Variants in FOXO3 observed in about 807,000 individuals in gnomAD.
The protein encoded by FOXO3 is forkhead box O3.
FOXO3 carries 4 observed loss-of-function variants against 41.9 expected under a neutral mutation model. The observed-to-expected ratio is 0.10, with a 90% CI of 0.05 to 0.22. FOXO3 has a LOEUF of 0.22. Among genes scored for constraint, FOXO3 ranks in the 10% least tolerant of loss-of-function variants. FOXO3 has a pLI of 1.00. For missense variants in FOXO3, 534 were observed against 906.8 expected, an observed-to-expected ratio of 0.59 and a Z score of 5.28; for synonymous variants, 318 against 389.3, an observed-to-expected ratio of 0.82 and a Z score of 2.16.
At chr6:108,580,183 A>ATTTTTTTT (rs11395032) in intron 1 of FOXO3, among the ~76,000 whole-genome samples, 38 of 93,060 alleles carry the variant, frequency 4.1e-4, no homozygotes, top group Admixed American at 4.9e-4. Context: ...GCTCTTCTTC[A>ATTTTTTTT]TTTTTTTTTT....
At chr6:108,593,101 G>T (rs769233892) in intron 1 of FOXO3, among the ~76,000 whole-genome samples, 3 of 152,198 alleles carry the variant, frequency 2.0e-5, no homozygotes, top group Non-Finnish European at 4.4e-5. Flanking sequence ...CTGTAAGAAA[G>T]AACTAGTTGT....
chr6:108,601,602 C>T (rs1334064102), intron 1 of FOXO3, among the ~76,000 whole-genome samples: 19 of 152,244 alleles, frequency 1.2e-4, no homozygotes, highest in Admixed American at 1.2e-3. Context: ...CCGCACCCAG[C>T]CCCCCTTCTA....
chr6:108,672,809 T>C (rs570188352), intron 2 of FOXO3, among the ~76,000 whole-genome samples: 10 of 152,248 alleles, frequency 6.6e-5, no homozygotes, highest in Admixed American at 5.9e-4. Context: ...CTGCTTTGTC[T>C]CTGATGCAAG....
chr6:108,678,890 T>TTTTTC (rs368405598), intron 2 of FOXO3, among the ~76,000 whole-genome samples: 1,421 of 115,308 alleles, frequency 0.012, 92 homozygotes, highest in Non-Finnish European at 0.019. Flanking sequence ...TTTTTTTTTT[T>TTTTTC]TGAGACGGAG....
At chr6:108,618,167 C>G in intron 1 of FOXO3, 2 of 1,000,972 alleles carry the variant, frequency 2.0e-6, no homozygotes, top group South Asian at 1.3e-5. Flanking sequence ...CATTAGTTTA[C>G]TAAGTGGTGT....
In FOXO3 at chr6:108,683,744, G is replaced by A. The variant is rs1770958273; in HGVS notation, c.*3952G>A. The A allele has an allele frequency of 6.6e-6, 1 of 151,710 alleles. No individual in the cohort carries two copies. Among genetic ancestry groups the A allele is most frequent in the African/African-American group, 2.4e-5 (1 of 41,346 alleles). 9.4% of individuals were successfully genotyped at this position (151,710 alleles called of 1,614,324 possible). On this transcript the variant is annotated 3_prime_UTR_variant, in exon 3 of 3. Transcript: ENST00000406360. The stretch of plus-strand genomic sequence containing the variant: ...TGAAAGCAAAAAGGAAACCCTAACA[G>A]CTCTGAACTCTGGTTTTATTTTTCT...
At chr6:108,570,989 G>A (rs987603402) in intron 1 of FOXO3, among the ~76,000 whole-genome samples, 1 of 152,074 alleles carries the variant, frequency 6.6e-6, no homozygotes, top group South Asian at 2.1e-4. Context: ...ATCCTCCCCT[G>A]CCTTTCATCT....
chr6:108,630,857 A>G (rs774108863), intron 1 of FOXO3, among the ~76,000 whole-genome samples: 2 of 152,130 alleles, frequency 1.3e-5, no homozygotes, highest in Non-Finnish European at 2.9e-5. Context: ...CTTTGCCACC[A>G]AGGGTTGTTG....
rs1156923290 is a variant in FOXO3 at position 108,678,869 on chromosome 6, C to CTTTT, written c.*35-939_*35-936dup. Among the ~76,000 whole-genome samples the CTTTT allele has an allele frequency of 2.7e-4, 15 of 55,014 alleles. 4 individuals carry two copies. In the East Asian group the frequency reaches 3.4e-3, roughly 12 times the overall value. The allele number at this position is 55,014 out of a possible 152,430, so 36.1% of individuals were successfully genotyped here. On this transcript the variant is annotated intron_variant, in intron 2 of 2. Transcript: ENST00000406360. ...ATAGCAAGACCCCATTTCTTAAATT[C>CTTTT]TTTTTTTTTTTTTTTTTTTTTTGAG...
At chr6:108,591,794 T>C (rs1776739229) in intron 1 of FOXO3, among the ~76,000 whole-genome samples, 1 of 152,184 alleles carries the variant, frequency 6.6e-6, no homozygotes, top group South Asian at 2.1e-4. Context: ...AAGTTACTTA[T>C]AAGTTCTGAT....
At chr6:108,611,918 T>G (rs1421346728) in intron 1 of FOXO3, among the ~76,000 whole-genome samples, 2 of 152,226 alleles carry the variant, frequency 1.3e-5, no homozygotes, top group African/African-American at 4.8e-5. Flanking sequence ...ATATTTTGTA[T>G]GAGTCTGGAT....
intron 2 of FOXO3, among the ~76,000 whole-genome samples, chr6:108,665,704 C>T (rs528106030): frequency 6.6e-6 from 1 of 151,900 alleles, no homozygotes; most frequent in African/African-American, 2.4e-5. Context: ...TACCTGTAGC[C>T]CCTGCTTCTC....
Position 108,664,189 on chromosome 6 carries a change from A to G in FOXO3, c.1356A>G (p.Gln452=). ...GCCAGTCTCCCATGCAGACCATCCA[A>G]GAGAACAAGCCAGCTACCTTCTCTT... ...SLRQSPMQTI[Q]ENKPATFSSM... The change falls in exon 2 of 3, where the codon CAA becomes CAG. Residue 452 remains glutamine, a synonymous_variant. Transcript: ENST00000406360. 1 of 1,613,556 alleles carries G rather than the reference A, an allele frequency of 6.2e-7. No homozygotes were observed. The highest frequency in any genetic ancestry group is 8.5e-7 in the Non-Finnish European group (1 of 1,179,758).
At chr6:108,667,748 T>C (rs1196407303) in intron 2 of FOXO3, among the ~76,000 whole-genome samples, 3 of 152,200 alleles carry the variant, frequency 2.0e-5, no homozygotes, top group African/African-American at 4.8e-5. Flanking sequence ...TCAGAATATT[T>C]TGGGGGAGGT....
intron 1 of FOXO3, among the ~76,000 whole-genome samples, chr6:108,612,612 A>G (rs1054030035): frequency 3.3e-5 from 5 of 152,142 alleles, no homozygotes; most frequent in Admixed American, 1.3e-4. Context: ...CCCGGGAGGC[A>G]GAGGTTGCAG....
chr6:108,640,641 A>C (rs879636951), intron 1 of FOXO3, among the ~76,000 whole-genome samples: 7 of 152,148 alleles, frequency 4.6e-5, no homozygotes, highest in African/African-American at 1.7e-4. Context: ...CATTTAGTCA[A>C]TTTGAGGTTT....
intron 1 of FOXO3, among the ~76,000 whole-genome samples, chr6:108,607,949 A>C (rs568342818): frequency 1.3e-5 from 2 of 152,312 alleles, no homozygotes; most frequent in African/African-American, 4.8e-5. Flanking sequence ...GGAAGAACTA[A>C]TCTTTATAAT....
chr6:108,602,798 T>A (rs1777089877), intron 1 of FOXO3, among the ~76,000 whole-genome samples: 1 of 152,214 alleles, frequency 6.6e-6, no homozygotes, highest in African/African-American at 2.4e-5. Context: ...TATAGGAACC[T>A]ATTTTGAAGC....
chr6:108,616,201 G>A (rs1562245588), intron 1 of FOXO3, among the ~76,000 whole-genome samples: 3 of 113,618 alleles, frequency 2.6e-5, no homozygotes. Context: ...GTCTCATTCT[G>A]TCGCCCAGGC....
Sources: allele counts gnomAD v4.1 joint callset (sites outside exome capture counted in the v4.1 genomes callset), GRCh38; gene constraint gnomAD v4.1.1; transcripts MANE v1.5; gene names NCBI Gene and HGNC (gene_info 2026-07-23, HGNC 2026-07-21).